The following ONECUT2 variants were observed in gnomAD, a reference collection of about 807,000 sequenced individuals.
ONECUT2 encodes one cut domain family member 2.
A neutral mutation model predicts 27.9 loss-of-function variants in ONECUT2; 10 were observed. That is an observed-to-expected ratio of 0.36 (90% CI 0.22 to 0.61). ONECUT2 has a LOEUF of 0.61. Ranked by LOEUF, ONECUT2 falls within the 20% of genes least tolerant of loss-of-function variation. The pLI is 0.73. For missense variants in ONECUT2, 686 were observed against 721.0 expected (o/e 0.95, Z 0.56); for synonymous variants, 334 against 315.1 (o/e 1.06, Z -0.64).
chr18:57,447,987 A>C (rs2050210087), intron 1 of ONECUT2, among the ~76,000 whole-genome samples: 1 of 152,208 alleles, frequency 6.6e-6, no homozygotes, highest in African/African-American at 2.4e-5. Context: ...CAGTGGAGTC[A>C]TATGGCACTG....
chr18:57,441,477 C>T (rs1235778309), intron 1 of ONECUT2, among the ~76,000 whole-genome samples: 1 of 152,248 alleles, frequency 6.6e-6, no homozygotes, highest in African/African-American at 2.4e-5. Context: ...AGGTTTTCTC[C>T]TCCTCTCGCG....
Position 57,478,113 on chromosome 18 carries a change from G to C in ONECUT2, c.*1390G>C. The C allele has an allele frequency of 6.5e-6, 1 of 152,780 alleles. No individual in the cohort carries two copies. 9.5% of individuals were successfully genotyped at this position (152,780 alleles called of 1,614,324 possible). A position where few individuals can be genotyped will look rare whatever the true frequency, so the allele number is the denominator to read the frequency against. On this transcript the variant is annotated 3_prime_UTR_variant, in exon 2 of 2. Transcript: ENST00000491143. ...CCTCTGCAACTCCGAATGGCATTCA[G>C]CTCTTGCATTTGGCGCATCATCGGG...
At chr18:57,451,587 C>T (rs576684601) in intron 1 of ONECUT2, among the ~76,000 whole-genome samples, 1 of 152,316 alleles carries the variant, frequency 6.6e-6, no homozygotes, top group Non-Finnish European at 1.5e-5. Context: ...AGAAGGAGTC[C>T]ATATCGCTAG....
intron 1 of ONECUT2, among the ~76,000 whole-genome samples, chr18:57,445,860 C>T (rs1337920104): frequency 6.6e-6 from 1 of 152,218 alleles, no homozygotes; most frequent in Non-Finnish European, 1.5e-5. Context: ...CCTGGAGTCC[C>T]CCTCGGGGAA....
Position 57,435,691 on chromosome 18 carries a change from G to A in ONECUT2, c.-26G>A, listed in dbSNP as rs1429311123. ...CCCGCCGGCCGCCCCCGCCGCCCCC[G>A]CCGCCCCCGGGCCCTGATGGACTGA... On this transcript the variant is annotated 5_prime_UTR_variant, in exon 1 of 2. Transcript: ENST00000491143. 6.2e-6 allele frequency: 2 copies of A among 324,904 alleles called. No homozygotes were observed. The highest frequency in any genetic ancestry group is 1.2e-4 in the South Asian group (2 of 17,236). 20.1% of individuals were successfully genotyped at this position (324,904 alleles called of 1,614,324 possible).
chr18:57,467,649 G>A (rs1004367417), intron 1 of ONECUT2, among the ~76,000 whole-genome samples: 1 of 152,180 alleles, frequency 6.6e-6, no homozygotes, highest in Non-Finnish European at 1.5e-5. Context: ...ACAGGCATGA[G>A]CCACCTCACC....
chr18:57,478,816 A>G lies in ONECUT2; in HGVS notation c.*2093A>G, dbSNP rs776954587. On this transcript the variant is annotated 3_prime_UTR_variant, in exon 2 of 2. Coordinates refer to ENST00000491143, the MANE Select transcript of ONECUT2 (RefSeq NM_004852.3). ...GTTCATTATCTCCTCTTGCCTGGCT[A>G]AAATACTAATAGCGCCATTGAACTG... 1 of 152,542 alleles carries G rather than the reference A, an allele frequency of 6.6e-6. No individual in the cohort carries two copies. The highest frequency in any genetic ancestry group is 2.1e-4 in the South Asian group (1 of 4,830). The allele number at this position is 152,542 out of a possible 1,614,324, so 9.4% of individuals were successfully genotyped here.
rs566844091 is a variant in ONECUT2 at position 57,436,287 on chromosome 18, G to C, written c.571G>C (p.Val191Leu). The change falls in exon 1 of 2, where the codon GTC (valine) becomes CTC (leucine). Residue 191 changes from valine (V) to leucine (L), a missense_variant. By Grantham distance (32) the Val-to-Leu change is conservative. Around this residue, in one of 4 missense-constraint regions of ONECUT2, gnomAD observed 511 missense variants for 488.1 expected, o/e 1.05. Transcript: ENST00000491143. This position sits in a 1 kb window ranked among gnomAD's most constrained non-coding sequence, Gnocchi z 5.9. Reference protein sequence around the residue: ...HHHHQRLSGNVSGSFTLMRDE... With the variant: ...HHHHQRLSGNLSGSFTLMRDE... ...CCACCACCAGCGCCTGTCCGGCAAC[G>C]TCAGCGGCAGCTTCACCCTCATGCG... 1.9e-6 allele frequency: 3 copies of C among 1,604,048 alleles called. No individual in the cohort carries two copies. Among genetic ancestry groups the C allele is most frequent in the Non-Finnish European group, 8.5e-7 (1 of 1,179,420 alleles).
chr18:57,461,423 G>A (rs770328524), intron 1 of ONECUT2, among the ~76,000 whole-genome samples: 27 of 152,166 alleles, frequency 1.8e-4, no homozygotes, highest in African/African-American at 5.8e-4. Flanking sequence ...GCATCCTAAT[G>A]TACTTAACCA....
At chr18:57,444,326 T>C in intron 1 of ONECUT2, 1 of 456,414 alleles carries the variant, frequency 2.2e-6, no homozygotes, top group Admixed American at 2.4e-5. Flanking sequence ...TTACTTATGT[T>C]GCATTGACAT....
rs2050404362 is a variant in ONECUT2 at position 57,479,489 on chromosome 18, G to C, written c.*2766G>C. 2 of 152,602 alleles carry C rather than the reference G, an allele frequency of 1.3e-5. No individual in the cohort carries two copies. Among genetic ancestry groups the C allele is most frequent in the South Asian group, 4.1e-4 (2 of 4,834 alleles). 9.5% of individuals were successfully genotyped at this position (152,602 alleles called of 1,614,324 possible). ...TTTTCTCATTTCTCATGCCATTCCA[G>C]AGTTAATTTGCCACTGTGGATGATT... On this transcript the variant is annotated 3_prime_UTR_variant, in exon 2 of 2. Coordinates refer to ENST00000491143, the MANE Select transcript of ONECUT2 (RefSeq NM_004852.3).
chr18:57,446,435 C>T (rs2050200754), intron 1 of ONECUT2, among the ~76,000 whole-genome samples: 2 of 152,150 alleles, frequency 1.3e-5, no homozygotes, highest in African/African-American at 4.8e-5. Context: ...GAAGACAGAC[C>T]TCCAAACATG....
chr18:57,469,280 CT>C (rs929189387), intron 1 of ONECUT2, among the ~76,000 whole-genome samples: 1 of 152,178 alleles, frequency 6.6e-6, no homozygotes, highest in Non-Finnish European at 1.5e-5. Flanking sequence ...TGCAGGTGTA[CT>C]TTTCAAACCT....
rs555517138 is a variant in ONECUT2, at chr18:57,485,405, T to C, written c.*8682T>C. 3.9e-5 allele frequency: 6 copies of C among 152,332 alleles called. No homozygotes were observed. Among genetic ancestry groups the C allele is most frequent in the African/African-American group, 1.2e-4 (5 of 41,590 alleles). The allele number at this position is 152,332 out of a possible 1,614,324, so 9.4% of individuals were successfully genotyped here. On this transcript the variant is annotated 3_prime_UTR_variant, in exon 2 of 2. Transcript: ENST00000491143. ...CCAAAATTACAGAGGAATATGCCAG[T>C]TTAAGAAATGGCTACTTAAAGTTGC...
rs916469399 is a variant in ONECUT2, at chr18:57,486,249, T to C, written c.*9526T>C. 5 of 152,654 alleles carry C rather than the reference T, an allele frequency of 3.3e-5. No homozygotes were observed. Among genetic ancestry groups the C allele is most frequent in the African/African-American group, 1.2e-4 (5 of 41,446 alleles). 9.5% of individuals were successfully genotyped at this position (152,654 alleles called of 1,614,324 possible). A position where few individuals can be genotyped will look rare whatever the true frequency, so the allele number is the denominator to read the frequency against. On this transcript the variant is annotated 3_prime_UTR_variant, in exon 2 of 2. Transcript: ENST00000491143. The stretch of plus-strand genomic sequence containing the variant: ...ACGATTTAGCCAGTCTGGACCTCTC[T>C]GTGCTTTTTTTAATTCTTCCTGTGA...
In ONECUT2 at chr18:57,489,989, T is replaced by G; in HGVS notation, c.*13266T>G. On this transcript the variant is annotated 3_prime_UTR_variant, in exon 2 of 2. Transcript: ENST00000491143. ...TTCTCAATCCAAGAGCAGTTCAGTC[T>G]TTTCTCCCCAAGTCTAGGATGCCAA... 6.6e-6 allele frequency: 1 copy of G among 152,184 alleles called. No individual in the cohort carries two copies. The highest frequency in any genetic ancestry group is 1.9e-4 in the East Asian group (1 of 5,194). The allele number at this position is 152,184 out of a possible 1,614,324, so 9.4% of individuals were successfully genotyped here. A position where few individuals can be genotyped will look rare whatever the true frequency, so the allele number is the denominator to read the frequency against.
rs939604568 is a variant in ONECUT2, at chr18:57,480,456, G to A, written c.*3733G>A. ...GATTCTTTGACATACTAATCTCAGC[G>A]TTTGGGTCTCCAGCATCCTCTGAAG... On this transcript the variant is annotated 3_prime_UTR_variant, in exon 2 of 2. Transcript: ENST00000491143. 6.6e-6 allele frequency: 1 copy of A among 152,030 alleles called. No homozygotes were observed. Among genetic ancestry groups the A allele is most frequent in the East Asian group, 1.9e-4 (1 of 5,184 alleles). The allele number at this position is 152,030 out of a possible 1,614,324, so 9.4% of individuals were successfully genotyped here.
chr18:57,436,102 A>G lies in ONECUT2; in HGVS notation c.386A>G (p.His129Arg). The G allele has an allele frequency of 6.2e-7, 1 of 1,600,242 alleles. No homozygotes were observed. The highest frequency in any genetic ancestry group is 8.5e-7 in the Non-Finnish European group (1 of 1,179,792). Residue 129 changes from histidine (H) to arginine (R), a missense_variant, in exon 1 of 2, where the codon CAC becomes CGC. His to Arg is a conservative substitution (Grantham distance 29). Transcript: ENST00000491143. The surrounding 1 kb of genome is among the most constrained non-coding windows in gnomAD (Gnocchi z 5.9). ...CCCGAGCTCTCCATCCCGCTGCACCACGCCATGAGCATGTCCTGCGACTCG... is the reference window on the plus strand; with the variant it reads ...CCCGAGCTCTCCATCCCGCTGCACCGCGCCATGAGCATGTCCTGCGACTCG... ...YRPELSIPLH[H>R]AMSMSCDSSP... is the part of the protein sequence containing the mutation.
chr18:57,479,002 C>T lies in ONECUT2; in HGVS notation c.*2279C>T, dbSNP rs563662468. ...AAGTTTAAGATGTTGGGATATTGAA[C>T]AGTTCTCTCTGCTCAGCAGAGGGTA... On this transcript the variant is annotated 3_prime_UTR_variant, in exon 2 of 2. Transcript: ENST00000491143. 1 of 152,672 alleles carries T rather than the reference C, an allele frequency of 6.5e-6. No individual in the cohort carries two copies. Among genetic ancestry groups the T allele is most frequent in the African/African-American group, 2.4e-5 (1 of 41,538 alleles). The allele number at this position is 152,672 out of a possible 1,614,324, so 9.5% of individuals were successfully genotyped here. A position where few individuals can be genotyped will look rare whatever the true frequency, so the allele number is the denominator to read the frequency against.
Sources: gnomAD v4.1 joint callset for allele counts (sites outside exome capture counted in the v4.1 genomes callset) on GRCh38, gnomAD v4.1.1 for gene constraint, gnomAD v4.1.1 regional missense constraint, Gnocchi (gnomAD v3.1) non-coding constraint, MANE v1.5 for transcripts, NCBI Gene and HGNC (gene_info 2026-07-23, HGNC 2026-07-21) for gene names.